The following ANKDD1A variants were observed in gnomAD, a reference collection of about 807,000 sequenced individuals.
ANKDD1A encodes the protein ankyrin repeat and death domain-containing protein 1A.
ANKDD1A carries 59 observed loss-of-function variants against 63.5 expected under a neutral mutation model. The observed-to-expected ratio is 0.93, with a 90% CI of 0.75 to 1.15. The LOEUF (loss-of-function observed/expected upper bound fraction) is 1.15, where lower values mean the gene tolerates loss of function less well. Among genes scored for constraint, ANKDD1A ranks in the 50% most tolerant of loss-of-function variants. The pLI is 0.00. For synonymous variants in ANKDD1A, 266 were observed against 263.9 expected, an observed-to-expected ratio of 1.01 and a Z score of -0.08; for missense variants, 632 against 656.4, an observed-to-expected ratio of 0.96 and a Z score of 0.41.
At chr15:64,934,972 C>G (rs909713032) in intron 9 of ANKDD1A, among the ~76,000 whole-genome samples, 2 of 152,116 alleles carry the variant, frequency 1.3e-5, no homozygotes, top group African/African-American at 4.8e-5. Flanking sequence ...CACCTGTAAT[C>G]TCAGCACTAT....
At chr15:64,913,517 C>T (rs1001069974) in intron 1 of ANKDD1A, among the ~76,000 whole-genome samples, 20 of 152,082 alleles carry the variant, frequency 1.3e-4, no homozygotes, top group African/African-American at 4.6e-4. Flanking sequence ...AGCTCGCACT[C>T]CTGTTTTGCA....
Position 64,943,504 on chromosome 15 carries a change from C to A in ANKDD1A, c.987C>A (p.His329Gln). 2.5e-6 allele frequency: 4 copies of A among 1,614,226 alleles called. No individual in the cohort carries two copies. The highest frequency in any genetic ancestry group is 3.4e-6 in the Non-Finnish European group (4 of 1,180,036). ...AVDNRQQTPLHLAAEHAWQDI... is the reference protein window; with the variant it reads ...AVDNRQQTPLQLAAEHAWQDI... ...CCTAGAGGCAGCAGACGCCCCTTCA[C>A]CTGGCTGCAGAGCACGCCTGGCAGG... The change falls in exon 11 of 15, where the codon CAC becomes CAA. Residue 329 changes from histidine to glutamine, a missense_variant. His to Gln is a conservative substitution (Grantham distance 24, BLOSUM62 0). Coordinates refer to ENST00000319580, the MANE Select transcript of ANKDD1A (RefSeq NM_182703.6).
intron 9 of ANKDD1A, among the ~76,000 whole-genome samples, chr15:64,937,222 G>A (rs1261087735): frequency 6.6e-6 from 1 of 152,144 alleles, no homozygotes; most frequent in East Asian, 1.9e-4. Flanking sequence ...TTACCAATAT[G>A]TATAAAACTT....
At chr15:64,937,365 A>T (rs2085142449) in intron 9 of ANKDD1A, among the ~76,000 whole-genome samples, 1 of 152,218 alleles carries the variant, frequency 6.6e-6, no homozygotes. Context: ...ATTGAAACCC[A>T]TGCTTAACTA....
intron 9 of ANKDD1A, among the ~76,000 whole-genome samples, chr15:64,937,481 C>G (rs1416059040): frequency 6.6e-6 from 1 of 152,138 alleles, no homozygotes; most frequent in Non-Finnish European, 1.5e-5. Flanking sequence ...GTAATCCCAG[C>G]ACTTTGGGAG....
chr15:64,916,297 G>A (rs539663288), intron 2 of ANKDD1A, among the ~76,000 whole-genome samples: 12 of 151,794 alleles, frequency 7.9e-5, no homozygotes, highest in Non-Finnish European at 1.5e-4. Context: ...ATAAGTTGTC[G>A]TAAGAGCGTG....
intron 10 of ANKDD1A, 46 bp from the exon 11 acceptor site, chr15:64,943,438 C>T (rs751742390): frequency 6.4e-7 from 1 of 1,554,004 alleles, no homozygotes. Flanking sequence ...TAGTGGGCCA[C>T]CCCTACATGC....
chr15:64,943,261 A>T (rs1433302032), intron 10 of ANKDD1A: 23 of 509,908 alleles, frequency 4.5e-5, no homozygotes, highest in Middle Eastern at 1.0e-3. Flanking sequence ...GGCGTTTATC[A>T]GAGTTTATAG....
intron 10 of ANKDD1A, 38 bp from the exon 11 acceptor site, chr15:64,943,446 T>G: frequency 1.3e-6 from 2 of 1,593,748 alleles, no homozygotes; most frequent in South Asian, 1.1e-5. Flanking sequence ...CACCCCTACA[T>G]GCTTTTCACT....
At chr15:64,945,276 T>C (rs146476916) in intron 12 of ANKDD1A, among the ~76,000 whole-genome samples, 2 of 152,174 alleles carry the variant, frequency 1.3e-5, no homozygotes, top group African/African-American at 4.8e-5. Flanking sequence ...ATACAGAAGA[T>C]AATTTTGCAT....
At chr15:64,922,049 C>T (rs765411845) in intron 4 of ANKDD1A, 30 bp downstream of exon 4, 18 of 1,602,746 alleles carry the variant, frequency 1.1e-5, no homozygotes, top group Non-Finnish European at 1.5e-5. Flanking sequence ...ACCCCTGTCC[C>T]CTCGGCTCCC....
intron 14 of ANKDD1A, among the ~76,000 whole-genome samples, chr15:64,956,706 C>A (rs2085420067): frequency 2.6e-5 from 4 of 152,252 alleles, no homozygotes; most frequent in Admixed American, 2.6e-4. Context: ...CAAGCACACA[C>A]CATCATGCCC....
chr15:64,939,226 G>C (rs2085160801), intron 9 of ANKDD1A, among the ~76,000 whole-genome samples: 1 of 152,098 alleles, frequency 6.6e-6, no homozygotes, highest in South Asian at 2.1e-4. Flanking sequence ...TTGGCCCCAG[G>C]AGGTCAAGGC....
At position 64,930,003 on chromosome 15, in the gene ANKDD1A, C is replaced by A. The variant is rs529914901; in HGVS notation, c.571-819C>A. 2.0e-5 allele frequency among the ~76,000 whole-genome samples: 3 copies of A among 152,222 alleles called. No homozygotes were observed. In the South Asian group the frequency reaches 6.2e-4, roughly 32 times the overall value. On this transcript the variant is annotated intron_variant, in intron 6 of 14. Transcript: ENST00000319580. ...GCAAACTAACACAGGAACAGAAAACCAAACACTGCATGGTCTCCCTCATAA... is the reference window on the plus strand; with the variant it reads ...GCAAACTAACACAGGAACAGAAAACAAAACACTGCATGGTCTCCCTCATAA...
At chr15:64,944,975 A>G (rs550246249) in intron 12 of ANKDD1A, among the ~76,000 whole-genome samples, 1 of 152,314 alleles carries the variant, frequency 6.6e-6, no homozygotes, top group Admixed American at 6.5e-5. Flanking sequence ...CAGCGTGGAG[A>G]TACTGCTGGA....
intron 3 of ANKDD1A, among the ~76,000 whole-genome samples, chr15:64,921,581 G>A (rs1485171793): frequency 6.6e-6 from 1 of 151,912 alleles, no homozygotes. Context: ...CACCATATTG[G>A]CCAGGCTGGT....
intron 4 of ANKDD1A, among the ~76,000 whole-genome samples, chr15:64,923,084 A>G (rs180903006): frequency 2.8e-4 from 43 of 152,244 alleles, no homozygotes; most frequent in Admixed American, 2.5e-3. Context: ...GTTTCCTTTT[A>G]TGGTAGGCAG....
intron 3 of ANKDD1A, among the ~76,000 whole-genome samples, chr15:64,918,315 T>C (rs193160748): frequency 4.6e-5 from 7 of 152,350 alleles, no homozygotes; most frequent in Admixed American, 3.3e-4. Context: ...TAGTTGTCCA[T>C]GAAAACAATT....
intron 6 of ANKDD1A, among the ~76,000 whole-genome samples, chr15:64,928,630 AC>A (rs2085065294): frequency 6.6e-6 from 1 of 152,242 alleles, no homozygotes; most frequent in Non-Finnish European, 1.5e-5. Flanking sequence ...CAATGACAAC[AC>A]AGGTCACTCC....
Sources: gnomAD v4.1 joint callset for allele counts (sites outside exome capture counted in the v4.1 genomes callset) on GRCh38, gnomAD v4.1.1 for gene constraint, MANE v1.5 for transcripts, NCBI Gene and HGNC (gene_info 2026-07-23, HGNC 2026-07-21) for gene names.